The following CCSER1 variants were observed in gnomAD, a reference collection of about 807,000 sequenced individuals.
CCSER1 encodes the protein serine-rich coiled-coil domain-containing protein 1.
In CCSER1, 41 loss-of-function variants were observed where a neutral mutation model predicts 82.0. The observed-to-expected ratio is 0.50, with a 90% CI of 0.39 to 0.65. The LOEUF is 0.65. Among genes scored for constraint, CCSER1 ranks in the 30% least tolerant of loss-of-function variants. CCSER1 has a pLI of 0.00. For synonymous variants in CCSER1, 414 were observed against 383.9 expected, an observed-to-expected ratio of 1.08 and a Z score of -0.92; for missense variants, 1,119 against 1,064.2, an observed-to-expected ratio of 1.05 and a Z score of -0.72.
At chr4:90,210,008 T>C (rs1334992044) in intron 1 of CCSER1, among the ~76,000 whole-genome samples, 1 of 152,212 alleles carries the variant, frequency 6.6e-6, no homozygotes, top group Non-Finnish European at 1.5e-5. Context: ...GGTATCTTGC[T>C]GTTTTTCTAT....
At chr4:91,492,631 G>A (rs1459903514) in intron 10 of CCSER1, among the ~76,000 whole-genome samples, 1 of 152,068 alleles carries the variant, frequency 6.6e-6, no homozygotes. Flanking sequence ...ATTATAAGAA[G>A]CAGCACATTA....
intron 1 of CCSER1, among the ~76,000 whole-genome samples, chr4:90,133,150 A>T (rs1419223973): frequency 6.6e-6 from 1 of 152,224 alleles, no homozygotes; most frequent in Non-Finnish European, 1.5e-5. Context: ...CTTCTGTTTT[A>T]TAAATAAATA....
intron 7 of CCSER1, among the ~76,000 whole-genome samples, chr4:90,734,018 A>G (rs375841954): frequency 1.5e-3 from 232 of 152,098 alleles, no homozygotes; most frequent in African/African-American, 4.3e-3. Context: ...GTCTTTTGTG[A>G]TTCCAAATTT....
rs1222746398 is a variant in CCSER1, at chr4:91,118,960, G to T, written c.2217+32966G>T. On this transcript the variant is annotated intron_variant, in intron 10 of 10. Transcript: ENST00000509176. ...TCTGGGTAAGGAAAATCTGCTTTGGGATTCTCAGTGAATGTGCAAGTTAGT... is the reference window on the plus strand; with the variant it reads ...TCTGGGTAAGGAAAATCTGCTTTGGTATTCTCAGTGAATGTGCAAGTTAGT... 2.0e-5 allele frequency among the ~76,000 whole-genome samples: 3 copies of T among 152,132 alleles called. No individual in the cohort carries two copies. In the East Asian group the frequency reaches 5.8e-4, roughly 29 times the overall value.
chr4:91,382,997 T>C (rs1168326619), intron 10 of CCSER1, among the ~76,000 whole-genome samples: 2 of 142,912 alleles, frequency 1.4e-5, no homozygotes, highest in Non-Finnish European at 3.1e-5. Context: ...ATGATCATTA[T>C]CATTTTTTTT....
At chr4:91,047,555 T>G (rs79634251) in intron 9 of CCSER1, among the ~76,000 whole-genome samples, 2 of 152,346 alleles carry the variant, frequency 1.3e-5, no homozygotes, top group East Asian at 3.9e-4. Flanking sequence ...ATTCCATTTC[T>G]GATTACTTGC....
At chr4:91,371,303 C>G (rs1283950202) in intron 10 of CCSER1, among the ~76,000 whole-genome samples, 1 of 152,114 alleles carries the variant, frequency 6.6e-6, no homozygotes, top group East Asian at 1.9e-4. Flanking sequence ...AAGCCCCCAC[C>G]ACCACTCCCA....
chr4:90,156,444 C>T (rs1051563095), intron 1 of CCSER1, among the ~76,000 whole-genome samples: 6 of 152,082 alleles, frequency 3.9e-5, no homozygotes, highest in East Asian at 3.9e-4. Context: ...CTTTCTGTCT[C>T]GTTGATCTGT....
intron 10 of CCSER1, among the ~76,000 whole-genome samples, chr4:91,156,500 T>A (rs1730832198): frequency 6.6e-6 from 1 of 151,426 alleles, no homozygotes; most frequent in Non-Finnish European, 1.5e-5. Context: ...CAAATAACTT[T>A]TAGGGTCATC....
At chr4:91,505,667 G>A (rs6849851) in intron 10 of CCSER1, among the ~76,000 whole-genome samples, 48,244 of 151,968 alleles carry the variant, frequency 0.32, 8,207 homozygotes, top group East Asian at 0.52. Flanking sequence ...TCTCATTCTC[G>A]TTTTGATTTG....
At chr4:91,257,658 T>C (rs1182750602) in intron 10 of CCSER1, among the ~76,000 whole-genome samples, 1 of 152,120 alleles carries the variant, frequency 6.6e-6, no homozygotes, top group Non-Finnish European at 1.5e-5. Context: ...GGGCACATAA[T>C]GAAAATAAAC....
At chr4:90,176,942 G>A (rs929265220) in intron 1 of CCSER1, among the ~76,000 whole-genome samples, 2 of 152,052 alleles carry the variant, frequency 1.3e-5, no homozygotes, top group African/African-American at 4.8e-5. Context: ...CCTGCTGTTG[G>A]TACATGAGTT....
chr4:90,608,239 T>C (rs971728035), intron 5 of CCSER1, among the ~76,000 whole-genome samples: 1 of 152,170 alleles, frequency 6.6e-6, no homozygotes, highest in Non-Finnish European at 1.5e-5. Flanking sequence ...ACAGTAGTGG[T>C]GTTGGCCAGG....
At chr4:91,488,135 G>T (rs1027046217) in intron 10 of CCSER1, among the ~76,000 whole-genome samples, 3 of 152,140 alleles carry the variant, frequency 2.0e-5, no homozygotes, top group Admixed American at 6.5e-5. Flanking sequence ...AAAAAACGCA[G>T]GGTGTTCAAT....
rs557458516 is a variant in CCSER1 at position 90,319,534 on chromosome 4, C to G, written c.1509+6487C>G. On this transcript the variant is annotated intron_variant, in intron 3 of 10. Coordinates refer to ENST00000509176, the MANE Select transcript of CCSER1 (RefSeq NM_001145065.2). Reference sequence around the variant, plus strand: ...GGCGTGGTGGCACGCGCCTGTAGTCCCAGCTACTTGGGAGGCTGAGGCAAG... The same window carrying G: ...GGCGTGGTGGCACGCGCCTGTAGTCGCAGCTACTTGGGAGGCTGAGGCAAG... Among the ~76,000 whole-genome samples, 10 of 152,194 alleles carry G rather than the reference C, an allele frequency of 6.6e-5. No individual in the cohort carries two copies. The South Asian group carries it at 1.7e-3, about 25-fold the overall frequency.
chr4:90,557,668 G>A (rs757110634), intron 5 of CCSER1, among the ~76,000 whole-genome samples: 1 of 152,064 alleles, frequency 6.6e-6, no homozygotes, highest in African/African-American at 2.4e-5. Flanking sequence ...TTGAACAATA[G>A]AATTTCATTT....
chr4:91,313,362 T>A (rs1578175827), intron 10 of CCSER1, among the ~76,000 whole-genome samples: 1 of 152,082 alleles, frequency 6.6e-6, no homozygotes, highest in East Asian at 1.9e-4. Flanking sequence ...CTTCTCTTTG[T>A]TTGCATTCTT....
intron 10 of CCSER1, among the ~76,000 whole-genome samples, chr4:91,364,422 T>A (rs1316698981): frequency 2.6e-5 from 4 of 152,090 alleles, no homozygotes; most frequent in Non-Finnish European, 5.9e-5. Flanking sequence ...GTTAAAAGAA[T>A]TCTTCTCAAT....
chr4:91,114,671 A>G (rs1236319578), intron 10 of CCSER1, among the ~76,000 whole-genome samples: 1 of 152,164 alleles, frequency 6.6e-6, no homozygotes, highest in Non-Finnish European at 1.5e-5. Context: ...CAATTATACA[A>G]ATGAAAGAAA....
Sources: allele counts gnomAD v4.1 joint callset (sites outside exome capture counted in the v4.1 genomes callset), GRCh38; gene constraint gnomAD v4.1.1; transcripts MANE v1.5; gene names NCBI Gene and HGNC (gene_info 2026-07-23, HGNC 2026-07-21).